The following NOA1 variants were observed in gnomAD, a reference collection of about 807,000 sequenced individuals.
The protein encoded by NOA1 is nitric oxide associated 1.
Under a neutral mutation model 58.4 loss-of-function variants are expected in NOA1, and 35 were observed. The observed-to-expected ratio is 0.60, with a 90% confidence interval of 0.46 to 0.79. The LOEUF is 0.79. Ranked by LOEUF, NOA1 falls within the 30% of genes least tolerant of loss-of-function variation. The probability of loss-of-function intolerance (pLI) is 0.00; values close to 1 mark genes in which losing one functional copy is unlikely to be tolerated. For missense variants in NOA1, 895 were observed against 894.6 expected (o/e 1.00, Z -0.01); for synonymous variants, 397 against 373.4 (o/e 1.06, Z -0.73).
intron 3 of NOA1, among the ~76,000 whole-genome samples, chr4:56,969,586 G>T (rs1286711705): frequency 1.3e-5 from 2 of 151,872 alleles, no homozygotes; most frequent in Non-Finnish European, 2.9e-5. Flanking sequence ...GAAAAAAAGA[G>T]AATAACAAGA....
At chr4:56,964,229 G>A (rs566196495) in intron 6 of NOA1, among the ~76,000 whole-genome samples, 177 bp downstream of exon 6, 7 of 152,110 alleles carry the variant, frequency 4.6e-5, no homozygotes, top group South Asian at 4.2e-4. Flanking sequence ...CACCATGCCC[G>A]GCTAATTTTG....
chr4:56,973,882 G>A lies in NOA1; in HGVS notation c.1285C>T (p.Leu429Phe). The change falls in exon 2 of 7, where the codon CTC becomes TTC. Residue 429 changes from leucine (L) to phenylalanine (F), a missense_variant. Transcript: ENST00000264230. ...SEQEQNQLNV[L>F]KKHGYVVGRV... The stretch of plus-strand genomic sequence containing the variant: ...CCTACGACATAACCATGCTTTTTGA[G>A]GACATTAAGCTGATTTTGTTCTTGC... The A allele has an allele frequency of 6.2e-7, 1 of 1,614,050 alleles. No homozygotes were observed. Among genetic ancestry groups the A allele is most frequent in the Non-Finnish European group, 8.5e-7 (1 of 1,180,002 alleles).
intron 3 of NOA1, among the ~76,000 whole-genome samples, chr4:56,971,927 C>T (rs1721818526): frequency 6.7e-6 from 1 of 149,208 alleles, no homozygotes; most frequent in African/African-American, 2.5e-5. Flanking sequence ...CTTGCTCTGT[C>T]ACCCAGACTG....
intron 4 of NOA1, among the ~76,000 whole-genome samples, chr4:56,967,983 T>C (rs1281017517): frequency 6.6e-6 from 1 of 151,536 alleles, no homozygotes; most frequent in Admixed American, 6.6e-5. Flanking sequence ...AGTGGTGCAA[T>C]TTCAGCTCAC....
intron 6 of NOA1, 151 bp downstream of exon 6, chr4:56,964,255 C>T (rs1478475945): frequency 4.0e-5 from 30 of 752,146 alleles, no homozygotes; most frequent in African/African-American, 1.4e-4. Flanking sequence ...TTAGTAGAGA[C>T]GGGGTTTCTC....
chr4:56,969,410 T>C (rs1215321148), intron 3 of NOA1, among the ~76,000 whole-genome samples: 1 of 151,834 alleles, frequency 6.6e-6, no homozygotes, highest in African/African-American at 2.4e-5. Context: ...CCATCTCTAT[T>C]AAAAATACAA....
intron 2 of NOA1, 119 bp downstream of exon 2, chr4:56,973,739 A>G (rs1721850070): frequency 2.1e-6 from 2 of 960,988 alleles, no homozygotes; most frequent in Non-Finnish European, 3.2e-6. Context: ...TTGTTGCAGA[A>G]TAAGGAAGGC....
chr4:56,972,749 T>C (rs1721829980), intron 3 of NOA1, among the ~76,000 whole-genome samples: 1 of 152,192 alleles, frequency 6.6e-6, no homozygotes, highest in Admixed American at 6.6e-5. Flanking sequence ...TCTGTAAACG[T>C]TTCCCTAACC....
Position 56,973,133 on chromosome 4 carries a change from A to G in NOA1, c.1515+15T>C. On this transcript the variant is annotated intron_variant, in intron 3 of 6. Coordinates refer to ENST00000264230, the MANE Select transcript of NOA1 (RefSeq NM_032313.4). ...AAAAGAAAGTAAATGTTTCTAAAAG[A>G]AACCAAATACATACACAATTTTCTT... 1 of 1,611,366 alleles carries G rather than the reference A, an allele frequency of 6.2e-7. No individual in the cohort carries two copies. The highest frequency in any genetic ancestry group is 8.5e-7 in the Non-Finnish European group (1 of 1,177,572).
At position 56,977,565 on chromosome 4, in the gene NOA1, C is replaced by T; in HGVS notation, c.21G>A (p.Pro7=). 1 of 1,598,702 alleles carries T rather than the reference C, an allele frequency of 6.3e-7. No homozygotes were observed. The highest frequency in any genetic ancestry group is 8.5e-7 in the Non-Finnish European group (1 of 1,171,854). The part of the protein sequence containing the change: MLPARL[P]FRLLSLFLRG... ...GAAGGAAAAGGCTCAGCAGCCTGAA[C>T]GGTAGGCGAGCGGGCAGCATGAGGA... is the stretch of plus-strand genomic sequence containing the variant. Residue 7 remains proline (P), a synonymous_variant, in exon 1 of 7, where the codon CCG becomes CCA. Coordinates refer to ENST00000264230, the MANE Select transcript of NOA1 (RefSeq NM_032313.4).
rs917588359 is a variant in NOA1, at chr4:56,977,205, C to T, written c.381G>A (p.Val127=). 1.9e-6 allele frequency: 3 copies of T among 1,572,178 alleles called. No homozygotes were observed. In the Admixed American group the frequency reaches 5.6e-5, roughly 29 times the overall value. Residue 127 remains valine (V), a synonymous_variant, in exon 1 of 7, where the codon GTG becomes GTA. Transcript: ENST00000264230. ...LRARSREHPV[V]GHPDPALPPS... ...GCGGCAATGCCGGGTCCGGGTGCCCCACGACCGGGTGCTCCCGGGACCTGG... is the reference window on the plus strand; with the variant it reads ...GCGGCAATGCCGGGTCCGGGTGCCCTACGACCGGGTGCTCCCGGGACCTGG...
intron 3 of NOA1, among the ~76,000 whole-genome samples, chr4:56,969,440 C>T (rs999404146): frequency 5.9e-5 from 9 of 151,978 alleles, no homozygotes; most frequent in Admixed American, 1.3e-4. Flanking sequence ...GGCGTGGTGG[C>T]GTGCACCTGT....
rs1721925280 is a variant in NOA1 at position 56,976,509 on chromosome 4, C to A, written c.1077G>T (p.Leu359=). Residue 359 remains leucine, a synonymous_variant, in exon 1 of 7, where the codon CTG becomes CTT. Coordinates refer to ENST00000264230, the MANE Select transcript of NOA1 (RefSeq NM_032313.4). ...AGKSTLFNTL[L]ESDYCTAKGS... Reference sequence around the variant, plus strand: ...CCTTGGCAGTGCAGTAATCGGACTCCAGGAGCGTGTTAAAGAGAGTGGATT... The same window carrying A: ...CCTTGGCAGTGCAGTAATCGGACTCAAGGAGCGTGTTAAAGAGAGTGGATT... The A allele has an allele frequency of 6.2e-7, 1 of 1,614,126 alleles. No homozygotes were observed. The highest frequency in any genetic ancestry group is 1.3e-5 in the African/African-American group (1 of 74,948).
At chr4:56,970,371 T>C (rs947644270) in intron 3 of NOA1, among the ~76,000 whole-genome samples, 3 of 151,764 alleles carry the variant, frequency 2.0e-5, no homozygotes, top group African/African-American at 7.2e-5. Context: ...CTTGGGAGGC[T>C]GAAGTGGGAG....
intron 3 of NOA1, 37 bp from the exon 4 acceptor site, chr4:56,968,552 T>G: frequency 6.9e-7 from 1 of 1,452,818 alleles, no homozygotes; most frequent in Non-Finnish European, 9.5e-7. Flanking sequence ...GAAAATACTT[T>G]TATTGAAAAT....
chr4:56,971,530 T>G (rs1721810781), intron 3 of NOA1, among the ~76,000 whole-genome samples: 1 of 152,156 alleles, frequency 6.6e-6, no homozygotes, highest in Non-Finnish European at 1.5e-5. Context: ...TCTGAGAATG[T>G]AACTATAAGT....
chr4:56,964,677 T>C (rs910166620), intron 5 of NOA1, 151 bp from the exon 6 acceptor site: 13 of 864,116 alleles, frequency 1.5e-5, no homozygotes, highest in Admixed American at 8.8e-5. Context: ...CAATCACTTC[T>C]GGGGTCAAAT....
Position 56,965,726 on chromosome 4 carries a change from G to GTA in NOA1, c.1764+892_1764+893dup, listed in dbSNP as rs1553907045. Among the ~76,000 whole-genome samples, 43 of 145,170 alleles carry GTA rather than the reference G, an allele frequency of 3.0e-4. No homozygotes were observed. In the South Asian group the frequency reaches 6.6e-3, roughly 22 times the overall value. On this transcript the variant is annotated intron_variant, in intron 5 of 6. Transcript: ENST00000264230. ...TGTGTGTGTGTGTGTGTGTGTGTGT[G>GTA]TATTGGTGATGAGGCTGTCAGGAGT...
At chr4:56,970,737 C>T (rs1721796804) in intron 3 of NOA1, among the ~76,000 whole-genome samples, 1 of 152,040 alleles carries the variant, frequency 6.6e-6, no homozygotes, top group African/African-American at 2.4e-5. Flanking sequence ...GCTGGGACTA[C>T]AGGTGTGAGG....
Sources: gnomAD v4.1 joint callset for allele counts (sites outside exome capture counted in the v4.1 genomes callset) on GRCh38, gnomAD v4.1.1 for gene constraint, MANE v1.5 for transcripts, NCBI Gene and HGNC (gene_info 2026-07-23, HGNC 2026-07-21) for gene names.